Variants in NALCN observed in about 807,000 individuals in gnomAD.
NALCN encodes sodium leak channel NALCN.
NALCN carries 111 observed loss-of-function variants against 225.3 expected under a neutral mutation model. That is an observed-to-expected ratio of 0.49 (90% CI 0.42 to 0.58). The LOEUF is 0.58. NALCN is among the 20% of genes least tolerant of loss of function. The pLI is 0.00. For synonymous variants in NALCN, 764 were observed against 769.0 expected (o/e 0.99, Z 0.11); for missense variants, 1,378 against 2,202.4 (o/e 0.63, Z 7.49).
At chr13:101,185,930 C>T (rs111483476) in intron 14 of NALCN, among the ~76,000 whole-genome samples, 2,932 of 152,174 alleles carry the variant, frequency 0.019, 35 homozygotes, top group Non-Finnish European at 0.031. Context: ...GGTTAAAATG[C>T]GTTGTAGCAT....
intron 11 of NALCN, among the ~76,000 whole-genome samples, chr13:101,257,235 T>A (rs2042267299): frequency 7.0e-6 from 1 of 143,562 alleles, no homozygotes; most frequent in African/African-American, 2.6e-5. Context: ...TTTGCTAGAT[T>A]GTAAGCTCCA....
rs893548063 is a variant in NALCN, at chr13:101,111,072, G to A, written c.2294+53C>T. ...TGACTGTGTACAGCGACCATTTCCT[G>A]TAAAACCCCCCTTTTTTAGAGTCTC... On this transcript the variant is annotated intron_variant, in intron 19 of 43. Transcript: ENST00000251127. 1.9e-6 allele frequency: 3 copies of A among 1,559,030 alleles called. No individual in the cohort carries two copies. In the African/African-American group the frequency reaches 4.1e-5, roughly 21 times the overall value.
chr13:101,060,242 T>G (rs979528421), intron 41 of NALCN, among the ~76,000 whole-genome samples: 11 of 151,304 alleles, frequency 7.3e-5, no homozygotes, highest in African/African-American at 2.7e-4. Context: ...GTATTTTATT[T>G]ATTTGTTTTT....
intron 15 of NALCN, among the ~76,000 whole-genome samples, chr13:101,161,729 A>G (rs1474106293): frequency 6.6e-6 from 1 of 152,104 alleles, no homozygotes; most frequent in Non-Finnish European, 1.5e-5. Flanking sequence ...AAAATTAGCC[A>G]GGAGTGGTGG....
At chr13:101,310,502 G>A (rs2044303137) in intron 7 of NALCN, among the ~76,000 whole-genome samples, 2 of 152,048 alleles carry the variant, frequency 1.3e-5, no homozygotes, top group South Asian at 2.1e-4. Flanking sequence ...TTTCCTTGAA[G>A]GGACACCTTC....
chr13:101,124,740 A>G, intron 17 of NALCN, 59 bp from the exon 18 acceptor site: 1 of 1,321,542 alleles, frequency 7.6e-7, no homozygotes, highest in Non-Finnish European at 1.1e-6. Flanking sequence ...ATATACTGTC[A>G]AATCATTCAA....
chr13:101,181,812 T>C (rs1380890624), intron 14 of NALCN, among the ~76,000 whole-genome samples: 3 of 151,988 alleles, frequency 2.0e-5, no homozygotes, highest in Non-Finnish European at 1.5e-5. Flanking sequence ...CAAGGTTAAG[T>C]GCAGTTTGAC....
At chr13:101,147,488 A>T (rs2037410399) in intron 15 of NALCN, among the ~76,000 whole-genome samples, 1 of 151,696 alleles carries the variant, frequency 6.6e-6, no homozygotes, top group Non-Finnish European at 1.5e-5. Flanking sequence ...AATTATAAGC[A>T]TGCACCACCA....
chr13:101,248,762 T>C (rs9557602), intron 11 of NALCN, among the ~76,000 whole-genome samples: 1 of 152,052 alleles, frequency 6.6e-6, no homozygotes, highest in Non-Finnish European at 1.5e-5. Context: ...TCTCTTCTTT[T>C]GGCTGGCTCT....
intron 27 of NALCN, among the ~76,000 whole-genome samples, chr13:101,098,258 T>C (rs2034623581): frequency 6.6e-6 from 1 of 152,182 alleles, no homozygotes; most frequent in African/African-American, 2.4e-5. Flanking sequence ...TTTCTGCTTC[T>C]CATAGGCTTT....
chr13:101,129,617 T>C (rs1850492108), intron 17 of NALCN, among the ~76,000 whole-genome samples: 2 of 152,306 alleles, frequency 1.3e-5, no homozygotes, highest in South Asian at 4.1e-4. Context: ...AGAACATATC[T>C]AGAGCCCATA....
At chr13:101,172,614 C>T (rs1479985152) in intron 15 of NALCN, among the ~76,000 whole-genome samples, 2 of 152,188 alleles carry the variant, frequency 1.3e-5, no homozygotes, top group African/African-American at 4.8e-5. Flanking sequence ...GGCTGGAGTA[C>T]AGTGGCGCCA....
At chr13:101,118,140 G>C (rs2035801049) in intron 18 of NALCN, among the ~76,000 whole-genome samples, 1 of 152,036 alleles carries the variant, frequency 6.6e-6, no homozygotes, top group African/African-American at 2.4e-5. Flanking sequence ...CACTCTGATG[G>C]GGATGTTGAT....
chr13:101,136,665 T>C (rs2036814774), intron 17 of NALCN, among the ~76,000 whole-genome samples: 3 of 152,188 alleles, frequency 2.0e-5, no homozygotes, highest in Non-Finnish European at 4.4e-5. Flanking sequence ...TAGTATTCCA[T>C]GGTGTATATG....
At chr13:101,261,104 A>G (rs1405045838) in intron 10 of NALCN, among the ~76,000 whole-genome samples, 1 of 152,152 alleles carries the variant, frequency 6.6e-6, no homozygotes, top group African/African-American at 2.4e-5. Context: ...GTCCAGGACC[A>G]TTTATTGAAG....
chr13:101,397,154 G>T (rs2047332860), intron 2 of NALCN, among the ~76,000 whole-genome samples: 1 of 136,102 alleles, frequency 7.3e-6, no homozygotes, highest in South Asian at 2.3e-4. Context: ...CACATAGCAT[G>T]TTATATGTAT....
intron 17 of NALCN, among the ~76,000 whole-genome samples, chr13:101,131,635 T>C (rs1026580828): frequency 5.3e-5 from 8 of 152,280 alleles, no homozygotes; most frequent in African/African-American, 1.9e-4. Flanking sequence ...AAGAAGATGT[T>C]CTACCATTCC....
intron 14 of NALCN, chr13:101,180,278 CT>C (rs1341019147): frequency 7.1e-6 from 1 of 140,806 alleles, no homozygotes; most frequent in Non-Finnish European, 1.5e-5. Flanking sequence ...GTGATCTCAA[CT>C]CATGCAGCCT....
chr13:101,074,796 A>C, intron 35 of NALCN, 134 bp from the exon 36 acceptor site: 1 of 1,050,540 alleles, frequency 9.5e-7, no homozygotes, highest in Non-Finnish European at 1.3e-6. Context: ...ATCTTTAAGC[A>C]GATTGGCTCA....
Sources: allele counts gnomAD v4.1 joint callset (sites outside exome capture counted in the v4.1 genomes callset), GRCh38; gene constraint gnomAD v4.1.1; transcripts MANE v1.5; gene names NCBI Gene and HGNC (gene_info 2026-07-23, HGNC 2026-07-21).